The following EP400 variants were observed in gnomAD, a reference collection of about 807,000 sequenced individuals.
EP400 encodes the protein E1A binding protein p400.
Under a neutral mutation model 354.1 loss-of-function variants are expected in EP400, and 105 were observed. The observed-to-expected ratio is 0.30, with a 90% CI of 0.25 to 0.35. EP400 has a LOEUF of 0.35. Ranked by LOEUF, EP400 falls within the 10% of genes least tolerant of loss-of-function variation. The pLI is 1.00. For synonymous variants in EP400, 1,646 were observed against 1,716.9 expected (o/e 0.96, Z 1.02); for missense variants, 3,280 against 4,121.0 (o/e 0.80, Z 5.59).
In EP400 at chr12:132,025,573, T is replaced by C. The variant is rs1045164533; in HGVS notation, c.4856-73T>C. On this transcript the variant is annotated intron_variant, in intron 24 of 52. Coordinates refer to ENST00000389561, the MANE Select transcript of EP400 (RefSeq NM_015409.5). The surrounding 1 kb of genome is among the most constrained non-coding windows in gnomAD (Gnocchi z 4.1). ...TTTGTCAACTTATTTTTGTACTGTT[T>C]GGAAGTGCCTGGAGTGTGTGGCTGT... is the stretch of plus-strand genomic sequence containing the variant. The C allele has an allele frequency of 3.5e-6, 5 of 1,428,934 alleles. No homozygotes were observed. The highest frequency in any genetic ancestry group is 1.4e-5 in the African/African-American group (1 of 69,116). 88.5% of individuals were successfully genotyped at this position (1,428,934 alleles called of 1,614,324 possible).
Position 132,027,329 on chromosome 12 carries a change from TC to T in EP400, c.5015-107del. ...GGGACATGCCGTTGCAGAATGACTTTCTGTGGAGTGTGCTGGTGGAGGGTGA... is the reference window on the plus strand; with the variant it reads ...GGGACATGCCGTTGCAGAATGACTTTTGTGGAGTGTGCTGGTGGAGGGTGA... On this transcript the variant is annotated intron_variant, in intron 25 of 52. Transcript: ENST00000389561. This position sits in a 1 kb window ranked among gnomAD's most constrained non-coding sequence, Gnocchi z 4.9. 1.8e-6 allele frequency: 2 copies of T among 1,096,006 alleles called. No individual in the cohort carries two copies. The highest frequency in any genetic ancestry group is 2.8e-6 in the Non-Finnish European group (2 of 724,526). The allele number at this position is 1,096,006 out of a possible 1,614,324, so 67.9% of individuals were successfully genotyped here.
At position 132,059,996 on chromosome 12, in the gene EP400, C is replaced by G. The variant is rs147473098; in HGVS notation, c.7885-2114C>G. On this transcript the variant is annotated intron_variant, in intron 45 of 52. Transcript: ENST00000389561. The stretch of plus-strand genomic sequence containing the variant: ...CAAGATCACACCATTGCTCTCCAGC[C>G]TGGGTGACAGAGCGAGACTCCGTTA... Among the ~76,000 whole-genome samples the G allele has an allele frequency of 3.8e-3, 569 of 151,710 alleles. 3 individuals carry two copies. The highest frequency in any genetic ancestry group is 0.013 in the African/African-American group (524 of 41,316).
intron 27 of EP400, chr12:132,028,970 A>G (rs888888042): frequency 1.3e-5 from 2 of 152,454 alleles, no homozygotes; most frequent in Non-Finnish European, 2.9e-5. Flanking sequence ...CAGGAAGCAG[A>G]ATTAATGGAA....
intron 27 of EP400, chr12:132,028,925 G>A (rs192612022): frequency 6.5e-6 from 1 of 152,844 alleles, no homozygotes; most frequent in Non-Finnish European, 1.5e-5. Context: ...GCTCAGCTCA[G>A]CTTTCAGGAT....
intron 12 of EP400, among the ~76,000 whole-genome samples, chr12:132,002,162 C>T (rs1893437744): frequency 6.6e-6 from 1 of 152,130 alleles, no homozygotes; most frequent in Non-Finnish European, 1.5e-5. Flanking sequence ...GTCTTCTCTG[C>T]CCTACAGTTT....
In EP400 at chr12:132,055,189, T is replaced by C. The variant is rs1362902986; in HGVS notation, c.7865T>C (p.Val2622Ala). 6.4e-7 allele frequency: 1 copy of C among 1,571,418 alleles called. No individual in the cohort carries two copies. The highest frequency in any genetic ancestry group is 8.6e-7 in the Non-Finnish European group (1 of 1,157,682). Residue 2622 changes from valine to alanine, a missense_variant, in exon 45 of 53, where the codon GTG becomes GCG. Physicochemically the swap from Val to Ala is moderately conservative, Grantham distance 64. This residue lies in a region of EP400 where 255 missense variants were observed against 295.9 expected (regional missense o/e 0.86). Coordinates refer to ENST00000389561, the MANE Select transcript of EP400 (RefSeq NM_015409.5). The part of the protein sequence containing the change: ...QSINKRLASP[V>A]APGALTTPGG... The stretch of plus-strand genomic sequence containing the variant: ...ATCAACAAGCGCCTGGCGTCGCCAG[T>C]GGCTCCTGGGGCCTTGACTGTGAGT...
At chr12:131,963,710 T>G in intron 2 of EP400, 2 of 1,249,692 alleles carry the variant, frequency 1.6e-6, no homozygotes, top group Non-Finnish European at 1.1e-6. Context: ...ATTTTAACCT[T>G]CGATATACTA....
intron 2 of EP400, among the ~76,000 whole-genome samples, chr12:131,974,850 C>G (rs1271959973): frequency 3.3e-5 from 5 of 151,732 alleles, no homozygotes; most frequent in Non-Finnish European, 7.4e-5. Context: ...ATTAGCCGGG[C>G]TTGGTGGCAG....
In EP400 at chr12:132,013,319, G is replaced by T; in HGVS notation, c.3611+141G>T. ...TTTTCATCTTCATCCCAGCACATGG[G>T]CCAGAGAGCCCCAGAGCTGGGTCAG... is the stretch of plus-strand genomic sequence containing the variant. On this transcript the variant is annotated intron_variant, in intron 17 of 52. Coordinates refer to ENST00000389561, the MANE Select transcript of EP400 (RefSeq NM_015409.5). The surrounding 1 kb of genome is among the most constrained non-coding windows in gnomAD (Gnocchi z 4.5). The T allele has an allele frequency of 7.1e-7, 1 of 1,415,490 alleles. No homozygotes were observed. Among genetic ancestry groups the T allele is most frequent in the Non-Finnish European group, 9.4e-7 (1 of 1,059,390 alleles). 87.7% of individuals were successfully genotyped at this position (1,415,490 alleles called of 1,614,324 possible). A position where few individuals can be genotyped will look rare whatever the true frequency, so the allele number is the denominator to read the frequency against.
intron 2 of EP400, among the ~76,000 whole-genome samples, chr12:131,973,254 C>T (rs1051019197): frequency 6.6e-6 from 1 of 152,184 alleles, no homozygotes; most frequent in Non-Finnish European, 1.5e-5. Flanking sequence ...AGGAGTGACA[C>T]TAGTGAATCA....
At position 132,045,496 on chromosome 12, in the gene EP400, C is replaced by T. The variant is rs774456808; in HGVS notation, c.6962C>T (p.Pro2321Leu). Residue 2321 changes from proline to leucine, a missense_variant, in exon 38 of 53, where the codon CCC becomes CTC. Physicochemically the swap from Pro to Leu is moderately conservative, Grantham distance 98. Transcript: ENST00000389561. ...AAGCCCCTGCCAACTTTTGCCAAAC[C>T]CACAGCTGAGCCTGGTCAAGACAAC... ...FAKPLPTFAK[P>L]TAEPGQDNPE... The T allele has an allele frequency of 6.2e-7, 1 of 1,614,188 alleles. No individual in the cohort carries two copies. The highest frequency in any genetic ancestry group is 1.7e-5 in the Admixed American group (1 of 60,028).
rs765256775 is a variant in EP400, at chr12:132,028,045, G to A, written c.5138G>A (p.Arg1713His). 15 of 1,614,008 alleles carry A rather than the reference G, an allele frequency of 9.3e-6. No homozygotes were observed. The highest frequency in any genetic ancestry group is 8.8e-5 in the South Asian group (8 of 91,080). Residue 1713 changes from arginine (R) to histidine (H), a missense_variant, in exon 27 of 53, where the codon CGC (arginine) becomes CAC (histidine). Arg to His is a conservative substitution (Grantham distance 29). Coordinates refer to ENST00000389561, the MANE Select transcript of EP400 (RefSeq NM_015409.5). ...QEEKTRLLKE[R>H]LDQIYLVNER... ...GAAAAGACCAGACTCTTGAAAGAGC[G>A]CCTGGATCAGATTTATTTAGTCAAC...
rs377527405 is a variant in EP400, at chr12:132,006,109, C to A, written c.2936-3C>A. On this transcript the variant is annotated splice_polypyrimidine_tract_variant and splice_region_variant and intron_variant, in intron 13 of 52. Transcript: ENST00000389561. ...TCACTTCTCTGTTTTATTGTCGTTA[C>A]AGATGCAGATGACTGTCCAGGCGAC... is the stretch of plus-strand genomic sequence containing the variant. 4.1e-5 allele frequency: 66 copies of A among 1,612,056 alleles called. No individual in the cohort carries two copies. The African/African-American group carries it at 6.1e-4, about 15-fold the overall frequency.
chr12:132,013,965 GA>G lies in EP400; in HGVS notation c.3923+56del. On this transcript the variant is annotated intron_variant, in intron 19 of 52. Transcript: ENST00000389561. This position sits in a 1 kb window ranked among gnomAD's most constrained non-coding sequence, Gnocchi z 4.5. ...CCCTTTGCTGTCCCTGCCTGTGAGGGAAAACGGCCCTTTCTGTGGCCTCAGC... is the reference window on the plus strand; with the variant it reads ...CCCTTTGCTGTCCCTGCCTGTGAGGGAAACGGCCCTTTCTGTGGCCTCAGC... 1.9e-6 allele frequency: 3 copies of G among 1,595,706 alleles called. No homozygotes were observed. Among genetic ancestry groups the G allele is most frequent in the Middle Eastern group, 1.7e-4 (1 of 5,954 alleles).
In EP400 at chr12:132,016,662, G is replaced by A. The variant is rs569586387; in HGVS notation, c.3924-873G>A. On this transcript the variant is annotated intron_variant, in intron 19 of 52. Coordinates refer to ENST00000389561, the MANE Select transcript of EP400 (RefSeq NM_015409.5). ...GCTGGGATTGCAGGCATGAGCCACC[G>A]CACCCGGCCTTGGTTGGGTTCTGTG... Among the ~76,000 whole-genome samples, 21 of 152,232 alleles carry A rather than the reference G, an allele frequency of 1.4e-4. No individual in the cohort carries two copies. The South Asian group carries it at 3.9e-3, about 29-fold the overall frequency.
intron 2 of EP400, among the ~76,000 whole-genome samples, chr12:131,979,251 T>A (rs919635139): frequency 6.6e-6 from 1 of 152,092 alleles, no homozygotes; most frequent in East Asian, 1.9e-4. Flanking sequence ...TAGATAGTTA[T>A]TAATTGGGGT....
At position 132,027,913 on chromosome 12, in the gene EP400, G is replaced by A; in HGVS notation, c.5110-104G>A. 1 of 1,216,380 alleles carries A rather than the reference G, an allele frequency of 8.2e-7. No homozygotes were observed. The highest frequency in any genetic ancestry group is 1.5e-5 in the African/African-American group (1 of 66,394). 75.3% of individuals were successfully genotyped at this position (1,216,380 alleles called of 1,614,324 possible). On this transcript the variant is annotated intron_variant, in intron 26 of 52. Transcript: ENST00000389561. This position sits in a 1 kb window ranked among gnomAD's most constrained non-coding sequence, Gnocchi z 4.9. Reference sequence around the variant, plus strand: ...AACACAAGACCGGGGATATTGAAGTGGATCTCATATGTGGGAAATCACGGG... The same window carrying A: ...AACACAAGACCGGGGATATTGAAGTAGATCTCATATGTGGGAAATCACGGG...
At chr12:132,011,031 G>A (rs1893747096) in intron 15 of EP400, among the ~76,000 whole-genome samples, 1 of 152,216 alleles carries the variant, frequency 6.6e-6, no homozygotes, top group Non-Finnish European at 1.5e-5. Context: ...TAAAGCTTGG[G>A]AAGCAGCGAT....
chr12:131,992,019 C>T (rs561105650), intron 10 of EP400, among the ~76,000 whole-genome samples, 154 bp from the exon 11 acceptor site: 13 of 152,374 alleles, frequency 8.5e-5, no homozygotes, highest in African/African-American at 1.9e-4. Flanking sequence ...CCTCGCTCCC[C>T]CGCTGCCCTG....
Sources: gnomAD v4.1 joint callset for allele counts (sites outside exome capture counted in the v4.1 genomes callset) on GRCh38, gnomAD v4.1.1 for gene constraint, gnomAD v4.1.1 regional missense constraint, Gnocchi (gnomAD v3.1) non-coding constraint, MANE v1.5 for transcripts, NCBI Gene and HGNC (gene_info 2026-07-23, HGNC 2026-07-21) for gene names.